Variants in ESR1 observed in about 807,000 individuals in gnomAD.
ESR1 encodes the protein estrogen receptor 1, also known as estrogen receptor.
ESR1 carries 12 observed loss-of-function variants against 52.7 expected under a neutral mutation model. The observed-to-expected ratio is 0.23, with a 90% CI of 0.15 to 0.37. The LOEUF is 0.37. Among genes scored for constraint, ESR1 ranks in the 10% least tolerant of loss-of-function variants. ESR1 has a pLI of 1.00. For missense variants in ESR1, 584 were observed against 779.7 expected, an observed-to-expected ratio of 0.75 and a Z score of 2.99; for synonymous variants, 305 against 316.8, an observed-to-expected ratio of 0.96 and a Z score of 0.39.
At position 152,082,225 on chromosome 6, in the gene ESR1, C is replaced by A. The variant is rs551110297; in HGVS notation, c.1370-12160C>A. ...GTGAAAATCCTCAATAAAATACTGG[C>A]AAACCAAATCCAGCAGCACATCAAA... On this transcript the variant is annotated intron_variant, in intron 6 of 7. Transcript: ENST00000206249. Among the ~76,000 whole-genome samples, 64 of 152,280 alleles carry A rather than the reference C, an allele frequency of 4.2e-4. No homozygotes were observed. In the South Asian group the frequency reaches 0.013, roughly 31 times the overall value.
chr6:152,068,785 G>T (rs2048167271), intron 6 of ESR1, among the ~76,000 whole-genome samples: 1 of 152,162 alleles, frequency 6.6e-6, no homozygotes, highest in Non-Finnish European at 1.5e-5. Flanking sequence ...TAGCTCTCTA[G>T]TATATTACAA....
chr6:151,769,470 C>G (rs1401317370), intron 2 of ESR1, among the ~76,000 whole-genome samples: 1 of 152,054 alleles, frequency 6.6e-6, no homozygotes, highest in Non-Finnish European at 1.5e-5. Context: ...GTGATTATGG[C>G]AAGGGGAAAG....
chr6:152,121,677 A>G (rs1459585295), intron 6 of ESR1: 1 of 152,566 alleles, frequency 6.6e-6, no homozygotes, highest in Non-Finnish European at 1.5e-5. Context: ...AAAAAAAAGC[A>G]CAGACAAACT....
chr6:151,819,114 G>T (rs1406940869), intron 1 of ESR1, among the ~76,000 whole-genome samples: 1 of 152,064 alleles, frequency 6.6e-6, no homozygotes. Flanking sequence ...TTCCATCTCT[G>T]TTAGGCTGAT....
At chr6:151,717,776 TTAGATAA>T (rs1216645124) in intron 2 of ESR1, among the ~76,000 whole-genome samples, 1 of 152,192 alleles carries the variant, frequency 6.6e-6, no homozygotes, top group Non-Finnish European at 1.5e-5. Flanking sequence ...AATTTAAGAA[TTAGATAA>T]TTGATTGAAT....
At chr6:151,963,730 T>C (rs1006322119) in intron 4 of ESR1, among the ~76,000 whole-genome samples, 3 of 152,224 alleles carry the variant, frequency 2.0e-5, no homozygotes, top group Non-Finnish European at 4.4e-5. Context: ...CATTCAAGGT[T>C]GTATCCAAAG....
At chr6:151,664,638 C>T (rs1777757271) in intron 1 of ESR1, among the ~76,000 whole-genome samples, 1 of 152,154 alleles carries the variant, frequency 6.6e-6, no homozygotes, top group South Asian at 2.1e-4. Flanking sequence ...TGATGAAAAC[C>T]GTTAACAGTG....
chr6:151,696,532 G>A (rs1373269157), intron 1 of ESR1, among the ~76,000 whole-genome samples: 2 of 151,616 alleles, frequency 1.3e-5, no homozygotes, highest in African/African-American at 4.9e-5. Context: ...GTAGTGCCTC[G>A]GGTGCATAGA....
At chr6:151,773,954 C>T (rs1488356873) in intron 2 of ESR1, among the ~76,000 whole-genome samples, 1 of 152,092 alleles carries the variant, frequency 6.6e-6, no homozygotes, top group Non-Finnish European at 1.5e-5. Flanking sequence ...ACCTGACATC[C>T]TTAGTAAAGA....
At chr6:151,968,451 A>C (rs921999851) in intron 4 of ESR1, among the ~76,000 whole-genome samples, 2 of 152,240 alleles carry the variant, frequency 1.3e-5, no homozygotes, top group Admixed American at 1.3e-4. Context: ...GAGCTTTTGC[A>C]CAGCAAAAGA....
At chr6:151,777,520 G>A (rs1786125303) in intron 2 of ESR1, among the ~76,000 whole-genome samples, 1 of 152,172 alleles carries the variant, frequency 6.6e-6, no homozygotes, top group Non-Finnish European at 1.5e-5. Context: ...CTGGACACAT[G>A]TGGAGAATGT....
intron 6 of ESR1, among the ~76,000 whole-genome samples, chr6:152,064,099 G>A (rs1202203810): frequency 6.6e-6 from 1 of 152,188 alleles, no homozygotes; most frequent in Non-Finnish European, 1.5e-5. Flanking sequence ...CAAAAACCCG[G>A]AATCATCCAT....
At chr6:151,998,739 C>G (rs1351824746) in intron 4 of ESR1, among the ~76,000 whole-genome samples, 1 of 152,104 alleles carries the variant, frequency 6.6e-6, no homozygotes, top group Non-Finnish European at 1.5e-5. Context: ...GGTTACCCTT[C>G]AAGTATTTAT....
chr6:151,774,764 G>T (rs1411417886), intron 2 of ESR1, among the ~76,000 whole-genome samples: 4 of 152,166 alleles, frequency 2.6e-5, no homozygotes, highest in African/African-American at 9.7e-5. Context: ...TATATCAACA[G>T]AATTAGCTGA....
chr6:151,802,662 G>A (rs567299044), upstream of ESR1, among the ~76,000 whole-genome samples: 1 of 152,180 alleles, frequency 6.6e-6, no homozygotes, highest in East Asian at 1.9e-4. Flanking sequence ...GCCTCAGTTG[G>A]CATGAAGATA....
chr6:152,077,604 G>T (rs1231977518), intron 6 of ESR1, among the ~76,000 whole-genome samples: 1 of 152,208 alleles, frequency 6.6e-6, no homozygotes, highest in East Asian at 1.9e-4. Flanking sequence ...GGTGGTGGTG[G>T]CTATACCCTA....
chr6:152,097,647 C>T (rs2050726235), intron 7 of ESR1, among the ~76,000 whole-genome samples: 1 of 152,138 alleles, frequency 6.6e-6, no homozygotes, highest in South Asian at 2.1e-4. Flanking sequence ...TGTGGTGGGG[C>T]AGCAGAGTTG....
At chr6:152,060,903 A>G (rs2047490731) in intron 5 of ESR1, 88 bp from the exon 6 acceptor site, 2 of 1,062,356 alleles carry the variant, frequency 1.9e-6, no homozygotes, top group Non-Finnish European at 2.8e-6. Context: ...GTGGATTTTT[A>G]TGAATGTGAA....
chr6:151,869,417 A>G (rs934519039), intron 2 of ESR1, among the ~76,000 whole-genome samples: 1 of 152,194 alleles, frequency 6.6e-6, no homozygotes, highest in Admixed American at 6.5e-5. Flanking sequence ...TCTGGACTGT[A>G]GAATAGCACT....
Sources: allele counts gnomAD v4.1 joint callset (sites outside exome capture counted in the v4.1 genomes callset), GRCh38; gene constraint gnomAD v4.1.1; transcripts MANE v1.5; gene names NCBI Gene and HGNC (gene_info 2026-07-23, HGNC 2026-07-21).